ANK2: variants seen among roughly 807,000 people sequenced by gnomAD.
ANK2 encodes ankyrin-2.
A neutral mutation model predicts 360.5 loss-of-function variants in ANK2; 83 were observed. The ratio of observed to expected loss-of-function variants is 0.23; its 90% CI spans 0.19 to 0.28. The LOEUF is 0.28. ANK2 is among the 10% of genes least tolerant of loss of function. The pLI is 1.00. For missense variants in ANK2, 4,201 were observed against 4,795.7 expected, an observed-to-expected ratio of 0.88 and a Z score of 3.66; for synonymous variants, 1,740 against 1,759.5, an observed-to-expected ratio of 0.99 and a Z score of 0.28.
intron 1 of ANK2, among the ~76,000 whole-genome samples, chr4:113,066,038 G>T (rs191005459): frequency 6.6e-6 from 1 of 152,286 alleles, no homozygotes; most frequent in East Asian, 1.9e-4. Context: ...AACAAAAAAA[G>T]TAGTTGAAAT....
intron 1 of ANK2, among the ~76,000 whole-genome samples, chr4:112,858,586 A>G (rs976042645): frequency 6.6e-6 from 1 of 152,174 alleles, no homozygotes; most frequent in African/African-American, 2.4e-5. Flanking sequence ...TCCCAGGAGG[A>G]TTCTGTTCTT....
the ANK2 span, among the ~76,000 whole-genome samples, chr4:112,810,032 T>A: frequency 4.6e-5 from 7 of 150,932 alleles, no homozygotes; most frequent in African/African-American, 1.7e-4. Context: ...CATATTTACT[T>A]TATTTTTTTA....
At position 113,359,012 on chromosome 4, in the gene ANK2, A is replaced by T. The variant is rs1490357181; in HGVS notation, c.10394A>T (p.Glu3465Val). The T allele has an allele frequency of 6.2e-7, 1 of 1,614,012 alleles. No individual in the cohort carries two copies. The highest frequency in any genetic ancestry group is 8.5e-7 in the Non-Finnish European group (1 of 1,179,984). ...ACGAGCCCCACAAAAGAAAGTAAGGAGCATTTCTTTGACCTTTACAGAAAT... is the reference window on the plus strand; with the variant it reads ...ACGAGCCCCACAAAAGAAAGTAAGGTGCATTTCTTTGACCTTTACAGAAAT... The part of the protein sequence containing the change: ...GGTSPTKESK[E>V]HFFDLYRNSI... The change falls in exon 38 of 46, where the codon GAG becomes GTG. Residue 3465 changes from glutamate (E) to valine (V), a missense_variant. Around this residue, in one of 4 missense-constraint regions of ANK2, gnomAD observed 2,642 missense variants for 2,714.5 expected, o/e 0.97. Coordinates refer to ENST00000357077, the MANE Select transcript of ANK2 (RefSeq NM_001148.6).
At chr4:112,849,159 A>G (rs886525046) in intron 1 of ANK2, among the ~76,000 whole-genome samples, 1 of 152,256 alleles carries the variant, frequency 6.6e-6, no homozygotes, top group African/African-American at 2.4e-5. Context: ...GATGTATTCA[A>G]GCATTCAGAG....
chr4:113,320,301 C>T (rs2085359373), intron 26 of ANK2, among the ~76,000 whole-genome samples: 2 of 152,184 alleles, frequency 1.3e-5, no homozygotes. Flanking sequence ...GCATTTAATA[C>T]TGACTCTGGA....
intron 17 of ANK2, among the ~76,000 whole-genome samples, chr4:113,279,924 T>C (rs2061631591): frequency 6.6e-6 from 1 of 152,118 alleles, no homozygotes; most frequent in African/African-American, 2.4e-5. Context: ...CACTAGATTA[T>C]AAGCTACTAG....
At chr4:113,311,828 T>C (rs2080134611) in intron 24 of ANK2, among the ~76,000 whole-genome samples, 1 of 152,156 alleles carries the variant, frequency 6.6e-6, no homozygotes. Flanking sequence ...ATAAAGTATG[T>C]TGTGAGGCTG....
At chr4:113,299,245 A>C (rs2073630598) in intron 22 of ANK2, among the ~76,000 whole-genome samples, 1 of 152,212 alleles carries the variant, frequency 6.6e-6, no homozygotes, top group South Asian at 2.1e-4. Flanking sequence ...AATGAAACTT[A>C]ATCATTTAAA....
intron 3 of ANK2, among the ~76,000 whole-genome samples, chr4:113,197,057 T>C (rs965665994): frequency 1.7e-4 from 26 of 152,222 alleles, no homozygotes; most frequent in Non-Finnish European, 2.5e-4. Context: ...CAATAGCACC[T>C]GTTTTCCTAC....
intron 1 of ANK2, among the ~76,000 whole-genome samples, chr4:112,838,620 C>A (rs957428555): frequency 3.3e-5 from 5 of 152,228 alleles, no homozygotes; most frequent in Non-Finnish European, 7.3e-5. Flanking sequence ...GTAATCCCAG[C>A]ACTTTGGGAG....
the ANK2 span, among the ~76,000 whole-genome samples, chr4:112,744,309 CCA>C: frequency 1.3e-5 from 2 of 151,516 alleles, no homozygotes; most frequent in Non-Finnish European, 2.9e-5. Flanking sequence ...TCCATTGTTT[CCA>C]GTTTTTCACG....
At chr4:113,195,879 G>C (rs565234465) in intron 2 of ANK2, among the ~76,000 whole-genome samples, 4 of 152,164 alleles carry the variant, frequency 2.6e-5, no homozygotes, top group African/African-American at 4.8e-5. Flanking sequence ...GTTGGAGTGA[G>C]TTAGTTATAA....
At chr4:113,018,750 C>G (rs1579155885) in intron 2 of ANK2, among the ~76,000 whole-genome samples, 1 of 152,328 alleles carries the variant, frequency 6.6e-6, no homozygotes. Flanking sequence ...CAACATCCTT[C>G]AGATCTTCTT....
chr4:112,853,970 G>A (rs2065686057), intron 1 of ANK2, among the ~76,000 whole-genome samples: 1 of 152,294 alleles, frequency 6.6e-6, no homozygotes, highest in East Asian at 1.9e-4. Context: ...AGGCATAAGA[G>A]TTATTGAAAT....
the ANK2 span, among the ~76,000 whole-genome samples, chr4:112,775,258 C>G: frequency 2.6e-5 from 4 of 152,088 alleles, no homozygotes; most frequent in Admixed American, 1.3e-4. Context: ...GTGGCTTATG[C>G]CTGTAATCCC....
chr4:112,740,470 CGAGGTGGGTGAATCAT>C, the ANK2 span, among the ~76,000 whole-genome samples: 1 of 151,896 alleles, frequency 6.6e-6, no homozygotes, highest in Non-Finnish European at 1.5e-5. Context: ...TTTGGGAGGC[CGAGGTGGGTGAATCAT>C]GAGGTCAGGA....
the ANK2 span, among the ~76,000 whole-genome samples, chr4:112,740,591 C>T: frequency 6.6e-6 from 1 of 152,062 alleles, no homozygotes; most frequent in Non-Finnish European, 1.5e-5. Context: ...GTAATCCCAG[C>T]TACTCAGGAG....
intron 2 of ANK2, among the ~76,000 whole-genome samples, chr4:113,184,009 C>T (rs115785263): frequency 0.037 from 5,622 of 149,964 alleles, 164 homozygotes; most frequent in Non-Finnish European, 0.055. Context: ...CCCCCAAGTT[C>T]GGTGATTAAT....
chr4:112,835,421 A>G (rs72908803), intron 1 of ANK2, among the ~76,000 whole-genome samples: 3,550 of 152,192 alleles, frequency 0.023, 121 homozygotes, highest in African/African-American at 0.08. Context: ...GTATTTTCTC[A>G]TATACTTATG....
Sources: allele counts gnomAD v4.1 joint callset (sites outside exome capture counted in the v4.1 genomes callset), GRCh38; gene constraint gnomAD v4.1.1; regional missense constraint gnomAD v4.1.1; transcripts MANE v1.5; gene names NCBI Gene and HGNC (gene_info 2026-07-23, HGNC 2026-07-21).